The following FHIT variants were observed in gnomAD, a reference collection of about 807,000 sequenced individuals.
FHIT encodes fragile histidine triad diadenosine triphosphatase, also known as bis(5'-adenosyl)-triphosphatase.
Under a neutral mutation model 17.9 loss-of-function variants are expected in FHIT, and 19 were observed. The observed-to-expected ratio is 1.06, with a 90% CI of 0.74 to 1.56. FHIT has a LOEUF of 1.56. FHIT is among the 40% of genes most tolerant of loss of function. FHIT has a pLI of 0.00. For synonymous variants in FHIT, 81 were observed against 69.7 expected (o/e 1.16, Z -0.81); for missense variants, 248 against 189.2 (o/e 1.31, Z -1.82).
At chr3:60,468,617 C>T (rs1428531635) in intron 5 of FHIT, among the ~76,000 whole-genome samples, 2 of 151,902 alleles carry the variant, frequency 1.3e-5, no homozygotes, top group Non-Finnish European at 2.9e-5. Flanking sequence ...TTTGTTGTTT[C>T]TGTTTATATC....
At chr3:60,955,611 T>TACACATATATATATATATAC (rs1423002899) in intron 3 of FHIT, among the ~76,000 whole-genome samples, 1 of 16,896 alleles carries the variant, frequency 5.9e-5, no homozygotes, top group African/African-American at 1.2e-4. Flanking sequence ...TATATATATA[T>TACACATATATATATATATAC]ATATATATAT....
At chr3:60,448,290 T>C (rs1045520971) in intron 5 of FHIT, among the ~76,000 whole-genome samples, 2 of 152,140 alleles carry the variant, frequency 1.3e-5, no homozygotes, top group Non-Finnish European at 2.9e-5. Context: ...AACCAATTAA[T>C]TGGTTTTCAT....
chr3:60,566,813 C>T (rs552985010), intron 4 of FHIT, among the ~76,000 whole-genome samples: 15 of 150,502 alleles, frequency 1.0e-4, no homozygotes, highest in East Asian at 5.9e-4. Flanking sequence ...TATACACCAA[C>T]AACAGACAAA....
chr3:60,131,671 T>G (rs150673953), intron 5 of FHIT, among the ~76,000 whole-genome samples: 183 of 152,206 alleles, frequency 1.2e-3, no homozygotes, highest in African/African-American at 4.3e-3. Context: ...GATTTCTCTT[T>G]CAATCCTGTC....
At chr3:60,349,576 A>C (rs1330745673) in intron 5 of FHIT, among the ~76,000 whole-genome samples, 1 of 152,174 alleles carries the variant, frequency 6.6e-6, no homozygotes, top group Non-Finnish European at 1.5e-5. Context: ...ATTCATTGTA[A>C]GTCTAAGTTT....
intron 5 of FHIT, among the ~76,000 whole-genome samples, chr3:60,387,003 C>A (rs908806771): frequency 3.4e-5 from 5 of 147,496 alleles, no homozygotes; most frequent in Non-Finnish European, 7.5e-5. Flanking sequence ...CTGCCTTTGC[C>A]TAAGGAAATT....
At chr3:60,861,399 G>T (rs1703883679) in intron 3 of FHIT, among the ~76,000 whole-genome samples, 1 of 150,140 alleles carries the variant, frequency 6.7e-6, no homozygotes, top group African/African-American at 2.5e-5. Context: ...CTTTGTTATG[G>T]AGGGCTGTCC....
At chr3:60,390,039 T>C (rs967830186) in intron 5 of FHIT, among the ~76,000 whole-genome samples, 4 of 152,190 alleles carry the variant, frequency 2.6e-5, no homozygotes, top group African/African-American at 4.8e-5. Flanking sequence ...AATCTCTCTG[T>C]TGCAAAACTG....
chr3:60,876,205 G>T (rs1345223264), intron 3 of FHIT, among the ~76,000 whole-genome samples: 3 of 152,012 alleles, frequency 2.0e-5, no homozygotes, highest in Non-Finnish European at 4.4e-5. Context: ...TATGGTCAAT[G>T]AAATCCATTA....
At chr3:60,697,260 G>A (rs2041135036) in intron 4 of FHIT, among the ~76,000 whole-genome samples, 1 of 152,156 alleles carries the variant, frequency 6.6e-6, no homozygotes, top group South Asian at 2.1e-4. Context: ...ACAGGATAGT[G>A]ACTACCTCTA....
intron 2 of FHIT, among the ~76,000 whole-genome samples, chr3:61,089,134 G>A (rs1443510127): frequency 6.6e-6 from 1 of 152,068 alleles, no homozygotes; most frequent in Non-Finnish European, 1.5e-5. Flanking sequence ...TCAACATTTG[G>A]AAAACTGGCA....
At chr3:60,266,017 A>C (rs1706558927) in intron 5 of FHIT, among the ~76,000 whole-genome samples, 1 of 152,024 alleles carries the variant, frequency 6.6e-6, no homozygotes, top group African/African-American at 2.4e-5. Context: ...GTATATATAA[A>C]GGTATATATA....
At chr3:60,540,533 G>A (rs2036152473) in intron 4 of FHIT, among the ~76,000 whole-genome samples, 1 of 152,158 alleles carries the variant, frequency 6.6e-6, no homozygotes, top group Admixed American at 6.6e-5. Flanking sequence ...TGAATCAAAG[G>A]ACATCCAGCT....
At chr3:59,902,978 A>G (rs1704403119) in intron 8 of FHIT, among the ~76,000 whole-genome samples, 1 of 152,190 alleles carries the variant, frequency 6.6e-6, no homozygotes, top group Non-Finnish European at 1.5e-5. Flanking sequence ...TAACTACGTG[A>G]GGTAAAGGAT....
At chr3:59,790,431 C>T (rs1399888818) in intron 8 of FHIT, among the ~76,000 whole-genome samples, 2 of 152,024 alleles carry the variant, frequency 1.3e-5, no homozygotes, top group African/African-American at 4.8e-5. Flanking sequence ...AGCCAGCCAG[C>T]TAATTATAGT....
At chr3:60,613,107 G>A (rs1559581871) in intron 4 of FHIT, among the ~76,000 whole-genome samples, 1 of 152,204 alleles carries the variant, frequency 6.6e-6, no homozygotes, top group Non-Finnish European at 1.5e-5. Flanking sequence ...AAACTCTCCA[G>A]AAGTTTCTTT....
At chr3:60,057,878 G>T (rs1352634291) in intron 5 of FHIT, among the ~76,000 whole-genome samples, 1 of 152,018 alleles carries the variant, frequency 6.6e-6, no homozygotes, top group Non-Finnish European at 1.5e-5. Flanking sequence ...GTTTTGGTCA[G>T]GGAAATGGAT....
chr3:61,180,620 C>T (rs746057188), intron 2 of FHIT, among the ~76,000 whole-genome samples: 7 of 152,072 alleles, frequency 4.6e-5, no homozygotes, highest in Non-Finnish European at 7.4e-5. Flanking sequence ...GACTAAATAC[C>T]GAGGTTATGT....
At chr3:60,961,422 T>C (rs760907923) in intron 3 of FHIT, among the ~76,000 whole-genome samples, 9 of 152,244 alleles carry the variant, frequency 5.9e-5, no homozygotes, top group African/African-American at 1.9e-4. Flanking sequence ...GTGCAGAAAC[T>C]CTTTAGTTTA....
Sources: gnomAD v4.1 joint callset for allele counts (sites outside exome capture counted in the v4.1 genomes callset) on GRCh38, gnomAD v4.1.1 for gene constraint, MANE v1.5 for transcripts, NCBI Gene and HGNC (gene_info 2026-07-23, HGNC 2026-07-21) for gene names.